The following PLCB4 variants were observed in gnomAD, a reference collection of about 807,000 sequenced individuals.
PLCB4 encodes the protein 1-phosphatidylinositol 4,5-bisphosphate phosphodiesterase beta-4.
Under a neutral mutation model 178.8 loss-of-function variants are expected in PLCB4, and 77 were observed. The ratio of observed to expected loss-of-function variants is 0.43; its 90% CI spans 0.36 to 0.52. PLCB4 has a LOEUF of 0.52. PLCB4 is among the 20% of genes least tolerant of loss of function. The probability of loss-of-function intolerance (pLI) is 0.00; values close to 1 mark genes in which losing one functional copy is unlikely to be tolerated. For synonymous variants in PLCB4, 496 were observed against 490.8 expected (o/e 1.01, Z -0.14); for missense variants, 1,024 against 1,453.4 (o/e 0.70, Z 4.80).
intron 2 of PLCB4, among the ~76,000 whole-genome samples, chr20:9,162,739 G>A (rs1253147351): frequency 6.6e-6 from 1 of 151,684 alleles, no homozygotes; most frequent in African/African-American, 2.4e-5. Context: ...TATTGTAAAT[G>A]TGAATAATAA....
At chr20:9,473,992 G>A (rs1454883371) in intron 38 of PLCB4, among the ~76,000 whole-genome samples, 3 of 152,180 alleles carry the variant, frequency 2.0e-5, no homozygotes, top group Non-Finnish European at 2.9e-5. Context: ...GCCGAGGAGG[G>A]TGGATCAGGA....
chr20:9,427,596 G>A (rs1031587789), intron 28 of PLCB4, among the ~76,000 whole-genome samples: 2 of 152,168 alleles, frequency 1.3e-5, no homozygotes, highest in African/African-American at 4.8e-5. Flanking sequence ...TGCTTTATCT[G>A]TGGGTGCCAA....
intron 19 of PLCB4, 32 bp from the exon 20 acceptor site, chr20:9,401,458 T>C (rs1449588828): frequency 7.0e-7 from 1 of 1,425,882 alleles, no homozygotes; most frequent in Non-Finnish European, 9.9e-7. Flanking sequence ...AGTGGTTTGG[T>C]GTCATGGATT....
At chr20:9,135,170 A>T (rs1273819674) in intron 2 of PLCB4, among the ~76,000 whole-genome samples, 1 of 152,144 alleles carries the variant, frequency 6.6e-6, no homozygotes, top group African/African-American at 2.4e-5. Context: ...ATATATTTAT[A>T]TACACACAAG....
intron 28 of PLCB4, among the ~76,000 whole-genome samples, chr20:9,433,704 CAAAG>C (rs2041580322): frequency 6.6e-6 from 1 of 152,218 alleles, no homozygotes; most frequent in African/African-American, 2.4e-5. Context: ...TGTTTTGTAA[CAAAG>C]AGTTTAAAAT....
At chr20:9,206,269 A>ATC (rs1455787097) in intron 2 of PLCB4, among the ~76,000 whole-genome samples, 3 of 149,332 alleles carry the variant, frequency 2.0e-5, no homozygotes, top group Non-Finnish European at 4.4e-5. Context: ...TCCCTCCCAC[A>ATC]TCCCTCCTCC....
chr20:9,451,111 A>G (rs2042744367), intron 32 of PLCB4, among the ~76,000 whole-genome samples: 1 of 152,202 alleles, frequency 6.6e-6, no homozygotes, highest in Admixed American at 6.5e-5. Flanking sequence ...TATTGAGCAT[A>G]TACTTTGTAC....
intron 1 of PLCB4, among the ~76,000 whole-genome samples, chr20:9,079,272 A>G (rs1182464379): frequency 6.6e-6 from 1 of 152,108 alleles, no homozygotes; most frequent in African/African-American, 2.4e-5. Context: ...TCCTTTGAGG[A>G]GGGCTTGTTA....
intron 18 of PLCB4, among the ~76,000 whole-genome samples, chr20:9,394,047 T>A (rs1225891056): frequency 1.3e-5 from 2 of 152,190 alleles, no homozygotes; most frequent in Non-Finnish European, 2.9e-5. Context: ...CCGTGCTCTA[T>A]ACCTATCTAG....
intron 2 of PLCB4, among the ~76,000 whole-genome samples, chr20:9,156,464 C>G (rs2092789973): frequency 6.6e-6 from 1 of 152,160 alleles, no homozygotes; most frequent in South Asian, 2.1e-4. Flanking sequence ...AGGTTTGCAC[C>G]CAGGTAGCCT....
At chr20:9,258,714 CAAAAAAAAAAA>C (rs969525907) in intron 3 of PLCB4, among the ~76,000 whole-genome samples, 4 of 62,780 alleles carry the variant, frequency 6.4e-5, no homozygotes, top group African/African-American at 1.6e-4. Flanking sequence ...GACTTCCTCT[CAAAAAAAAAAA>C]AAAAAAAAAA....
intron 27 of PLCB4, among the ~76,000 whole-genome samples, chr20:9,423,252 G>A (rs6039464): frequency 3.2e-4 from 48 of 152,246 alleles, no homozygotes; most frequent in Middle Eastern, 3.4e-3. Context: ...TATGCATGAA[G>A]CATTTATTCA....
At chr20:9,205,852 A>G (rs2093608303) in intron 2 of PLCB4, among the ~76,000 whole-genome samples, 1 of 152,218 alleles carries the variant, frequency 6.6e-6, no homozygotes, top group African/African-American at 2.4e-5. Flanking sequence ...AGTGTTATAG[A>G]AATGGAATCA....
intron 2 of PLCB4, among the ~76,000 whole-genome samples, chr20:9,211,164 C>A (rs557831073): frequency 6.6e-6 from 1 of 152,276 alleles, no homozygotes; most frequent in East Asian, 1.9e-4. Flanking sequence ...TTGATCCCTT[C>A]TGTGTTGCTT....
At chr20:9,191,692 A>G (rs1028311606) in intron 2 of PLCB4, among the ~76,000 whole-genome samples, 2 of 152,010 alleles carry the variant, frequency 1.3e-5, no homozygotes, top group African/African-American at 2.4e-5. Context: ...GTTTGGAAAT[A>G]TACCCCGAGT....
At chr20:9,114,030 A>G (rs1568775226) in intron 2 of PLCB4, among the ~76,000 whole-genome samples, 1 of 152,254 alleles carries the variant, frequency 6.6e-6, no homozygotes, top group Non-Finnish European at 1.5e-5. Context: ...CCTGGCCAAC[A>G]TGGTGAAACC....
chr20:9,147,213 CTTCT>C (rs2092613949), intron 2 of PLCB4, among the ~76,000 whole-genome samples: 1 of 152,090 alleles, frequency 6.6e-6, no homozygotes, highest in Non-Finnish European at 1.5e-5. Flanking sequence ...GTTAAATAGA[CTTCT>C]TTATTGTGGG....
chr20:9,455,398 A>C (rs948400690), intron 33 of PLCB4, among the ~76,000 whole-genome samples: 6 of 152,206 alleles, frequency 3.9e-5, no homozygotes, highest in Admixed American at 3.3e-4. Context: ...TTTCTGATTC[A>C]ATCAATCATG....
At chr20:9,222,402 G>T (rs2093811096) in intron 3 of PLCB4, among the ~76,000 whole-genome samples, 2 of 152,040 alleles carry the variant, frequency 1.3e-5, no homozygotes, top group Admixed American at 1.3e-4. Flanking sequence ...CCTCTTGGGT[G>T]CCTTCGATTC....
Sources: gnomAD v4.1 joint callset for allele counts (sites outside exome capture counted in the v4.1 genomes callset) on GRCh38, gnomAD v4.1.1 for gene constraint, MANE v1.5 for transcripts, NCBI Gene and HGNC (gene_info 2026-07-23, HGNC 2026-07-21) for gene names.